Variants in PIWIL3 observed in about 807,000 individuals in gnomAD.
PIWIL3 encodes piwi-like protein 3.
A neutral mutation model predicts 109.7 loss-of-function variants in PIWIL3; 101 were observed. The observed-to-expected ratio is 0.92, with a 90% CI of 0.78 to 1.09. PIWIL3 has a LOEUF of 1.09. Ranked by LOEUF, PIWIL3 falls within the 50% of genes least tolerant of loss-of-function variation. The pLI is 0.00. For missense variants in PIWIL3, 1,031 were observed against 1,072.6 expected (o/e 0.96, Z 0.54); for synonymous variants, 373 against 376.4 (o/e 0.99, Z 0.10).
intron 1 of PIWIL3, among the ~76,000 whole-genome samples, chr22:24,771,394 C>T (rs1285657006): frequency 5.3e-5 from 8 of 150,096 alleles, no homozygotes; most frequent in South Asian, 4.2e-4. Flanking sequence ...AGGAGAATGG[C>T]GTGAACCTGG....
At chr22:24,732,047 C>T (rs1923382410) in intron 14 of PIWIL3, among the ~76,000 whole-genome samples, 1 of 152,220 alleles carries the variant, frequency 6.6e-6, no homozygotes, top group African/African-American at 2.4e-5. Context: ...AAAACCGACA[C>T]ATCCCCAAAC....
At position 24,748,879 on chromosome 22, in the gene PIWIL3, T is replaced by C. The variant is rs181369917; in HGVS notation, c.1449+28A>G. 198 of 1,557,910 alleles carry C rather than the reference T, an allele frequency of 1.3e-4. 1 individual carries two copies. The East Asian group carries it at 3.9e-3, about 31-fold the overall frequency. On this transcript the variant is annotated intron_variant, in intron 12 of 20. Transcript: ENST00000616349. Reference sequence around the variant, plus strand: ...CTTTACTCTTCATTTGACCCCACCATGACATGATGATTTTGAAACTGTCTT... The same window carrying C: ...CTTTACTCTTCATTTGACCCCACCACGACATGATGATTTTGAAACTGTCTT...
chr22:24,767,109 C>A (rs1272859006), intron 1 of PIWIL3, among the ~76,000 whole-genome samples: 1 of 152,030 alleles, frequency 6.6e-6, no homozygotes, highest in Admixed American at 6.6e-5. Flanking sequence ...CCACTGCACT[C>A]CAGCCCGGGT....
At chr22:24,744,189 A>AAAAAAAAAC (rs1924197558) in intron 12 of PIWIL3, among the ~76,000 whole-genome samples, 1 of 145,900 alleles carries the variant, frequency 6.9e-6, no homozygotes, top group East Asian at 2.0e-4. Context: ...AAAAAAAAAA[A>AAAAAAAAAC]AAAAAAAAAA....
intron 16 of PIWIL3, among the ~76,000 whole-genome samples, chr22:24,725,803 G>A (rs1922956634): frequency 6.7e-6 from 1 of 150,052 alleles, no homozygotes; most frequent in Admixed American, 6.7e-5. Flanking sequence ...ATGGGGGAAT[G>A]CAATAAAAGG....
In PIWIL3 at chr22:24,720,866, C is replaced by T. The variant is rs147276499; in HGVS notation, c.2358-971G>A. 1.0e-3 allele frequency among the ~76,000 whole-genome samples: 154 copies of T among 152,278 alleles called. 1 individual carries two copies. Among genetic ancestry groups the T allele is most frequent in the African/African-American group, 3.4e-3 (141 of 41,552 alleles). Reference sequence around the variant, plus strand: ...AGAGCAGCAGCAGCTTTATCATTTTCCCTGGTAACTAAAGAATCTTAGTGT... The same window carrying T: ...AGAGCAGCAGCAGCTTTATCATTTTTCCTGGTAACTAAAGAATCTTAGTGT... On this transcript the variant is annotated intron_variant, in intron 19 of 20. Coordinates refer to ENST00000616349, the MANE Select transcript of PIWIL3 (RefSeq NM_001255975.1).
At position 24,728,053 on chromosome 22, in the gene PIWIL3, CCTT is replaced by C; in HGVS notation, c.1906-3_1906-1del. 6.2e-7 allele frequency: 1 copy of C among 1,613,238 alleles called. No individual in the cohort carries two copies. On this transcript the variant is annotated splice_acceptor_variant and splice_polypyrimidine_tract_variant and intron_variant, in intron 15 of 20. Coordinates refer to ENST00000616349, the MANE Select transcript of PIWIL3 (RefSeq NM_001255975.1). LOFTEE classifies it high-confidence loss of function. ...ATGCCAACGAACATTGTTCTTTGTA[CCTT>C]AAGTTTGTTTTTGAAAAGGTAATGG...
In PIWIL3 at chr22:24,755,774, G is replaced by A. The variant is rs117329800; in HGVS notation, c.692+10C>T. ...ATGAGTATCAAAGAAACTCAACCCC[G>A]GTAACATACCTTCTAAAGAGAATGT... On this transcript the variant is annotated intron_variant, in intron 6 of 20. Coordinates refer to ENST00000616349, the MANE Select transcript of PIWIL3 (RefSeq NM_001255975.1). 0.015 allele frequency: 24,648 copies of A among 1,613,580 alleles called. 237 individuals are homozygous for A. Among genetic ancestry groups the A allele is most frequent in the Middle Eastern group, 0.021 (130 of 6,062 alleles).
chr22:24,766,379 C>G (rs1381906484), intron 1 of PIWIL3, among the ~76,000 whole-genome samples: 2 of 151,810 alleles, frequency 1.3e-5, no homozygotes, highest in East Asian at 3.9e-4. Context: ...AGTACAGTGG[C>G]GTGATCTCAG....
chr22:24,737,940 C>T (rs1317050790), intron 12 of PIWIL3, among the ~76,000 whole-genome samples: 1 of 152,142 alleles, frequency 6.6e-6, no homozygotes, highest in Non-Finnish European at 1.5e-5. Context: ...GCAGGTGGAT[C>T]ACTTGAGGTC....
intron 1 of PIWIL3, among the ~76,000 whole-genome samples, chr22:24,772,898 T>C (rs199881179): frequency 6.6e-6 from 1 of 152,300 alleles, no homozygotes; most frequent in Middle Eastern, 3.4e-3. Flanking sequence ...TTAACAGTTA[T>C]CTGGACCTCA....
chr22:24,736,604 G>C (rs1358031583), intron 12 of PIWIL3, among the ~76,000 whole-genome samples: 1 of 152,186 alleles, frequency 6.6e-6, no homozygotes, highest in Non-Finnish European at 1.5e-5. Flanking sequence ...TTTGTACAAA[G>C]GGAGCACCTT....
At chr22:24,749,597 C>T (rs1279360612) in intron 10 of PIWIL3, 76 bp from the exon 11 acceptor site, 2 of 1,610,166 alleles carry the variant, frequency 1.2e-6, no homozygotes, top group Non-Finnish European at 1.7e-6. Flanking sequence ...GCTGGAGGAA[C>T]CTACTACCAA....
intron 14 of PIWIL3, among the ~76,000 whole-genome samples, chr22:24,732,774 C>T (rs957401595): frequency 1.3e-5 from 2 of 152,068 alleles, no homozygotes; most frequent in Non-Finnish European, 2.9e-5. Context: ...GCCGAGATCA[C>T]GCCACTGCAG....
chr22:24,751,577 A>T lies in PIWIL3; in HGVS notation c.978-79T>A, dbSNP rs1376065905. On this transcript the variant is annotated intron_variant, in intron 8 of 20. Transcript: ENST00000616349. ...TCCACACAGAAAATAGACATTTTTAATCCTGCAAGGAATTGCAGAATATAT... is the reference window on the plus strand; with the variant it reads ...TCCACACAGAAAATAGACATTTTTATTCCTGCAAGGAATTGCAGAATATAT... 7.1e-6 allele frequency: 11 copies of T among 1,551,754 alleles called. No individual in the cohort carries two copies. The East Asian group carries it at 1.8e-4, about 26-fold the overall frequency.
At chr22:24,733,977 T>C (rs1004663711) in intron 14 of PIWIL3, 107 bp downstream of exon 14, 160 of 1,263,756 alleles carry the variant, frequency 1.3e-4, no homozygotes, top group African/African-American at 1.8e-4. Context: ...TCTGCTTTCG[T>C]TGGCAAGTTC....
intron 13 of PIWIL3, among the ~76,000 whole-genome samples, 195 bp downstream of exon 13, chr22:24,735,513 C>A (rs1923604906): frequency 6.6e-6 from 1 of 152,096 alleles, no homozygotes; most frequent in African/African-American, 2.4e-5. Flanking sequence ...ATTCTCATAC[C>A]TTCTACAACA....
intron 1 of PIWIL3, among the ~76,000 whole-genome samples, chr22:24,772,122 A>G (rs567018186): frequency 1.3e-5 from 2 of 152,342 alleles, no homozygotes; most frequent in East Asian, 1.9e-4. Flanking sequence ...AAGAATTATT[A>G]TCATATCAAA....
At chr22:24,729,093 C>T (rs550110671) in intron 14 of PIWIL3, among the ~76,000 whole-genome samples, 4 of 152,216 alleles carry the variant, frequency 2.6e-5, no homozygotes, top group South Asian at 4.1e-4. Flanking sequence ...AGTGCGGACT[C>T]CATGGGAAGT....
Sources: allele counts gnomAD v4.1 joint callset (sites outside exome capture counted in the v4.1 genomes callset), GRCh38; gene constraint gnomAD v4.1.1; transcripts MANE v1.5; gene names NCBI Gene and HGNC (gene_info 2026-07-23, HGNC 2026-07-21).